The following KCNB2 variants were observed in gnomAD, a reference collection of about 807,000 sequenced individuals.
KCNB2 encodes potassium voltage-gated channel subfamily B member 2.
A neutral mutation model predicts 61.5 loss-of-function variants in KCNB2; 15 were observed. The ratio of observed to expected loss-of-function variants is 0.24; its 90% confidence interval spans 0.16 to 0.38. The LOEUF is 0.38. KCNB2 is among the 10% of genes least tolerant of loss of function. The pLI, the probability that KCNB2 is intolerant of heterozygous loss-of-function variation, is 1.00. For synonymous variants in KCNB2, 457 were observed against 446.0 expected, an observed-to-expected ratio of 1.02 and a Z score of -0.31; for missense variants, 828 against 1,125.2, an observed-to-expected ratio of 0.74 and a Z score of 3.78.
At chr8:72,747,332 G>A (rs1225827271) in intron 2 of KCNB2, among the ~76,000 whole-genome samples, 1 of 152,180 alleles carries the variant, frequency 6.6e-6, no homozygotes, top group Non-Finnish European at 1.5e-5. Flanking sequence ...ATGGTGATTA[G>A]GGCAGATGGA....
intron 2 of KCNB2, among the ~76,000 whole-genome samples, chr8:72,872,251 A>G (rs1050621258): frequency 3.9e-5 from 6 of 152,246 alleles, no homozygotes; most frequent in African/African-American, 1.4e-4. Flanking sequence ...GCATCTCAGC[A>G]GTGCAGCTGT....
At chr8:72,799,234 C>A (rs1383984168) in intron 2 of KCNB2, among the ~76,000 whole-genome samples, 1 of 152,134 alleles carries the variant, frequency 6.6e-6, no homozygotes, top group Non-Finnish European at 1.5e-5. Flanking sequence ...GTTTTTCCTA[C>A]ATTCTAGTGT....
intron 2 of KCNB2, among the ~76,000 whole-genome samples, chr8:72,762,192 T>C (rs2128996532): frequency 6.6e-6 from 1 of 152,342 alleles, no homozygotes; most frequent in South Asian, 2.1e-4. Flanking sequence ...TACCACCTGC[T>C]TCGCAGCCAA....
At chr8:72,613,424 C>T (rs1446159569) in intron 2 of KCNB2, among the ~76,000 whole-genome samples, 1 of 152,204 alleles carries the variant, frequency 6.6e-6, no homozygotes, top group Non-Finnish European at 1.5e-5. Context: ...CATTGAGTCA[C>T]TGACAGACTA....
At chr8:72,680,059 C>T (rs923684278) in intron 2 of KCNB2, among the ~76,000 whole-genome samples, 3 of 152,202 alleles carry the variant, frequency 2.0e-5, no homozygotes, top group Admixed American at 2.0e-4. Flanking sequence ...TGGTGTCACT[C>T]ACCTTGGCAC....
At chr8:72,708,103 C>T (rs1258974787) in intron 2 of KCNB2, among the ~76,000 whole-genome samples, 1 of 152,152 alleles carries the variant, frequency 6.6e-6, no homozygotes, top group African/African-American at 2.4e-5. Context: ...CAGTCTCTCC[C>T]CAGCACACCC....
intron 2 of KCNB2, among the ~76,000 whole-genome samples, chr8:72,587,931 T>C (rs1228223164): frequency 1.3e-5 from 2 of 152,198 alleles, no homozygotes; most frequent in African/African-American, 2.4e-5. Context: ...AAATGATTCA[T>C]TGAAAATCTG....
intron 2 of KCNB2, among the ~76,000 whole-genome samples, chr8:72,688,474 C>T (rs1806890447): frequency 6.6e-6 from 1 of 151,950 alleles, no homozygotes; most frequent in African/African-American, 2.4e-5. Flanking sequence ...AATATCTCCC[C>T]CAACAATACC....
At chr8:72,888,713 CA>C (rs1805847396) in intron 2 of KCNB2, among the ~76,000 whole-genome samples, 1 of 152,132 alleles carries the variant, frequency 6.6e-6, no homozygotes, top group African/African-American at 2.4e-5. Context: ...GCTTATGTCA[CA>C]ATTCTCCAGT....
rs1200521161 is a variant in KCNB2 at position 72,712,331 on chromosome 8, TACTC to T, written c.579+144021_579+144024del. On this transcript the variant is annotated intron_variant, in intron 2 of 2. Transcript: ENST00000523207. Reference sequence around the variant, plus strand: ...ACTGGTGGAATAGATAGTAGTGTCTTACTCACAGGTTCCTATTTCACTGGAAGGT... The same window carrying T: ...ACTGGTGGAATAGATAGTAGTGTCTTACAGGTTCCTATTTCACTGGAAGGT... Among the ~76,000 whole-genome samples the T allele has an allele frequency of 2.6e-5, 4 of 152,358 alleles. No homozygotes were observed. In the East Asian group the frequency reaches 7.7e-4, roughly 29 times the overall value.
intron 2 of KCNB2, among the ~76,000 whole-genome samples, chr8:72,904,321 T>G (rs530785620): frequency 2.0e-5 from 3 of 152,268 alleles, no homozygotes; most frequent in Non-Finnish European, 4.4e-5. Context: ...ATTTTTCCTC[T>G]GCACTTTGAA....
intron 1 of KCNB2, among the ~76,000 whole-genome samples, chr8:72,561,925 A>G (rs1186734288): frequency 2.6e-5 from 4 of 150,972 alleles, no homozygotes; most frequent in Non-Finnish European, 5.9e-5. Flanking sequence ...ATCTTCAGCT[A>G]ACAGTTACAA....
At chr8:72,619,101 A>C (rs1049658947) in intron 2 of KCNB2, 1 of 292,176 alleles carries the variant, frequency 3.4e-6, no homozygotes, top group East Asian at 9.9e-5. Context: ...ACATTTTTCC[A>C]ATATTAATGT....
Position 72,937,890 on chromosome 8 carries a change from A to G in KCNB2, c.2535A>G (p.Leu845=). The G allele has an allele frequency of 6.2e-7, 1 of 1,614,070 alleles. No individual in the cohort carries two copies. The highest frequency in any genetic ancestry group is 8.5e-7 in the Non-Finnish European group (1 of 1,180,006). ...ADKPSDGRDP[L]REEGSVGSSS... ...AGCCTAGTGATGGGAGAGACCCTTT[A>G]AGAGAAGAGGGCAGTGTGGGCTCTT... The change falls in exon 3 of 3, where the codon TTA becomes TTG. Residue 845 remains leucine, a synonymous_variant. Coordinates refer to ENST00000523207, the MANE Select transcript of KCNB2 (RefSeq NM_004770.3).
At chr8:72,896,067 A>T (rs906285042) in intron 2 of KCNB2, among the ~76,000 whole-genome samples, 8 of 152,106 alleles carry the variant, frequency 5.3e-5, no homozygotes, top group African/African-American at 1.9e-4. Flanking sequence ...GAGAGGAGTT[A>T]TGATGAAGCA....
intron 2 of KCNB2, among the ~76,000 whole-genome samples, chr8:72,891,432 G>A (rs1004084951): frequency 6.6e-6 from 1 of 152,172 alleles, no homozygotes; most frequent in Non-Finnish European, 1.5e-5. Flanking sequence ...GGGATTAATA[G>A]CAAAAGGACA....
At chr8:72,826,459 G>A (rs184469254) in intron 2 of KCNB2, among the ~76,000 whole-genome samples, 3 of 152,282 alleles carry the variant, frequency 2.0e-5, no homozygotes, top group East Asian at 1.9e-4. Context: ...AGAAGGCTGC[G>A]GGGGATAAGA....
intron 2 of KCNB2, among the ~76,000 whole-genome samples, chr8:72,637,167 C>A (rs775867405): frequency 1.6e-4 from 25 of 152,138 alleles, no homozygotes; most frequent in Non-Finnish European, 8.8e-5. Flanking sequence ...TCAGTTTCTG[C>A]TAACAATAAC....
At chr8:72,580,565 C>G (rs1431654) in intron 2 of KCNB2, among the ~76,000 whole-genome samples, 2,514 of 152,210 alleles carry the variant, frequency 0.017, 61 homozygotes, top group African/African-American at 0.054. Context: ...TAAATTCCAC[C>G]CTAAATATTT....
Sources: allele counts gnomAD v4.1 joint callset (sites outside exome capture counted in the v4.1 genomes callset), GRCh38; gene constraint gnomAD v4.1.1; transcripts MANE v1.5; gene names NCBI Gene and HGNC (gene_info 2026-07-23, HGNC 2026-07-21).